The following LDLRAD4 variants were observed in gnomAD, a reference collection of about 807,000 sequenced individuals.
LDLRAD4 encodes the protein low-density lipoprotein receptor class A domain-containing protein 4.
A neutral mutation model predicts 17.0 loss-of-function variants in LDLRAD4; 5 were observed. The ratio of observed to expected loss-of-function variants is 0.29; its 90% confidence interval spans 0.15 to 0.62. LDLRAD4 has a LOEUF of 0.62. Ranked by LOEUF, LDLRAD4 falls within the 20% of genes least tolerant of loss-of-function variation. LDLRAD4 has a pLI of 0.84. For synonymous variants in LDLRAD4, 168 were observed against 171.8 expected (o/e 0.98, Z 0.17); for missense variants, 340 against 424.7 (o/e 0.80, Z 1.75).
At chr18:13,288,711 C>G (rs896420659) in intron 1 of LDLRAD4, among the ~76,000 whole-genome samples, 2 of 136,532 alleles carry the variant, frequency 1.5e-5, no homozygotes, top group African/African-American at 5.5e-5. Flanking sequence ...GTCACGGGGC[C>G]ACGGTAGCAG....
At chr18:13,455,981 C>T (rs2092111040) in intron 3 of LDLRAD4, among the ~76,000 whole-genome samples, 2 of 152,124 alleles carry the variant, frequency 1.3e-5, no homozygotes, top group Admixed American at 1.3e-4. Context: ...GGACTTCTGG[C>T]AGGAGCGCCC....
At chr18:13,384,108 C>A (rs1034141633) in intron 1 of LDLRAD4, among the ~76,000 whole-genome samples, 1 of 152,156 alleles carries the variant, frequency 6.6e-6, no homozygotes. Flanking sequence ...CTATTACACA[C>A]CTGTGTCCAA....
At chr18:13,438,343 G>A in exon 3 of LDLRAD4, 1 of 1,614,154 alleles carries the variant, frequency 6.2e-7, no homozygotes, top group Non-Finnish European at 8.5e-7. Context: ...GAAGAGAACT[G>A]TCTCCTGGTG....
chr18:13,245,359 T>G (rs1340511457), intron 1 of LDLRAD4, among the ~76,000 whole-genome samples: 2 of 152,218 alleles, frequency 1.3e-5, no homozygotes, highest in Non-Finnish European at 2.9e-5. Context: ...ATATCAATTT[T>G]GGAGGCCTGC....
At chr18:13,447,882 C>G (rs971194711) in intron 3 of LDLRAD4, among the ~76,000 whole-genome samples, 1 of 152,138 alleles carries the variant, frequency 6.6e-6, no homozygotes, top group Non-Finnish European at 1.5e-5. Context: ...TCTAAGGACA[C>G]GCAATGAGAC....
intron 1 of LDLRAD4, among the ~76,000 whole-genome samples, chr18:13,357,785 C>T (rs1479417416): frequency 1.3e-5 from 2 of 152,086 alleles, no homozygotes; most frequent in African/African-American, 4.8e-5. Context: ...CTTCATCTAC[C>T]ATTTGGTTAC....
intron 3 of LDLRAD4, among the ~76,000 whole-genome samples, chr18:13,546,537 T>G (rs988301820): frequency 1.3e-5 from 2 of 151,552 alleles, no homozygotes; most frequent in African/African-American, 4.8e-5. Flanking sequence ...CCTGGCTAAT[T>G]TTTGCATTTT....
intron 4 of LDLRAD4, 135 bp from the exon 6 acceptor site, chr18:13,643,224 G>A: frequency 3.6e-6 from 2 of 550,604 alleles, no homozygotes; most frequent in Non-Finnish European, 6.4e-6. Context: ...TTGAGCCATG[G>A]CGCCCGGCCT....
At chr18:13,323,895 G>A (rs770913648) in intron 1 of LDLRAD4, among the ~76,000 whole-genome samples, 52 of 149,554 alleles carry the variant, frequency 3.5e-4, no homozygotes, top group Non-Finnish European at 5.6e-4. Flanking sequence ...GTGAAACTCC[G>A]TCTCTACTAA....
chr18:13,505,428 A>G (rs2093674573), intron 3 of LDLRAD4, among the ~76,000 whole-genome samples: 2 of 152,238 alleles, frequency 1.3e-5, no homozygotes, highest in South Asian at 4.1e-4. Context: ...ATTTTTGGTC[A>G]CAGCATTAAA....
chr18:13,375,131 C>T (rs2084809529), intron 1 of LDLRAD4, among the ~76,000 whole-genome samples: 2 of 152,198 alleles, frequency 1.3e-5, no homozygotes, highest in African/African-American at 2.4e-5. Flanking sequence ...TGATGGCAGC[C>T]TCTGTGCTCA....
intron 1 of LDLRAD4, among the ~76,000 whole-genome samples, chr18:13,337,462 T>G (rs1309111601): frequency 6.6e-6 from 1 of 152,234 alleles, no homozygotes; most frequent in Non-Finnish European, 1.5e-5. Flanking sequence ...TTTCATTGTC[T>G]TTTTGCTTTT....
intron 3 of LDLRAD4, among the ~76,000 whole-genome samples, chr18:13,478,986 A>G (rs1174743526): frequency 1.3e-5 from 2 of 152,218 alleles, no homozygotes; most frequent in Non-Finnish European, 2.9e-5. Flanking sequence ...TGGCCTATGA[A>G]TCTTGACAAA....
intron 1 of LDLRAD4, among the ~76,000 whole-genome samples, chr18:13,225,083 G>T (rs189133375): frequency 6.6e-6 from 1 of 152,100 alleles, no homozygotes; most frequent in African/African-American, 2.4e-5. Flanking sequence ...TGATCCGCCC[G>T]CCTCAGCCTC....
At chr18:13,480,527 C>T (rs906701786) in intron 3 of LDLRAD4, among the ~76,000 whole-genome samples, 1 of 152,082 alleles carries the variant, frequency 6.6e-6, no homozygotes, top group Non-Finnish European at 1.5e-5. Flanking sequence ...TGAGAATGTA[C>T]AAGAGTGAAC....
chr18:13,390,379 G>A (rs1239088647), intron 2 of LDLRAD4, among the ~76,000 whole-genome samples: 1 of 152,246 alleles, frequency 6.6e-6, no homozygotes, highest in Non-Finnish European at 1.5e-5. Flanking sequence ...AGTGCAGGCA[G>A]GAACTGGCTG....
At chr18:13,590,268 G>A (rs368912694) in intron 3 of LDLRAD4, among the ~76,000 whole-genome samples, 1 of 150,544 alleles carries the variant, frequency 6.6e-6, no homozygotes, top group African/African-American at 2.5e-5. Flanking sequence ...GTGTATATAT[G>A]TGTGTGCATA....
At chr18:13,338,373 A>T (rs182339266) in intron 1 of LDLRAD4, among the ~76,000 whole-genome samples, 76 of 151,836 alleles carry the variant, frequency 5.0e-4, no homozygotes, top group African/African-American at 1.7e-3. Flanking sequence ...CCAGGTTCCC[A>T]AGTTGCTAGT....
intron 1 of LDLRAD4, among the ~76,000 whole-genome samples, chr18:13,231,288 T>C (rs997008370): frequency 6.6e-6 from 1 of 152,062 alleles, no homozygotes; most frequent in Non-Finnish European, 1.5e-5. Context: ...ACATGGCTCG[T>C]GTGAAAGGTG....
Sources: gnomAD v4.1 joint callset for allele counts (sites outside exome capture counted in the v4.1 genomes callset) on GRCh38, gnomAD v4.1.1 for gene constraint, MANE v1.5 for transcripts, NCBI Gene and HGNC (gene_info 2026-07-23, HGNC 2026-07-21) for gene names.